The following NUP37 variants were observed in gnomAD, a reference collection of about 807,000 sequenced individuals.
The protein encoded by NUP37 is nucleoporin 37.
Under a neutral mutation model 45.4 loss-of-function variants are expected in NUP37, and 33 were observed. The ratio of observed to expected loss-of-function variants is 0.73; its 90% confidence interval spans 0.55 to 0.97. The LOEUF (loss-of-function observed/expected upper bound fraction) is 0.97, where lower values mean the gene tolerates loss of function less well. Ranked by LOEUF, NUP37 falls within the 50% of genes least tolerant of loss-of-function variation. NUP37 has a pLI of 0.00. For missense variants in NUP37, 365 were observed against 389.7 expected (o/e 0.94, Z 0.53); for synonymous variants, 127 against 130.7 (o/e 0.97, Z 0.19).
At chr12:102,084,470 A>ACT (rs10673692) in intron 6 of NUP37, among the ~76,000 whole-genome samples, 60,834 of 151,612 alleles carry the variant, frequency 0.4, 12,677 homozygotes, top group African/African-American at 0.52. Flanking sequence ...ACATGGTGAA[A>ACT]CTGTTTCTAC....
At chr12:102,112,632 C>G (rs191060222) in intron 2 of NUP37, among the ~76,000 whole-genome samples, 1 of 151,634 alleles carries the variant, frequency 6.6e-6, no homozygotes, top group Non-Finnish European at 1.5e-5. Flanking sequence ...CCTGTGTCTA[C>G]GTTATAAAAA....
chr12:102,087,415 G>C (rs372454647), intron 5 of NUP37, among the ~76,000 whole-genome samples: 27 of 152,260 alleles, frequency 1.8e-4, no homozygotes, highest in African/African-American at 5.3e-4. Context: ...TTTTCAAAAT[G>C]ATTATCTTAA....
intron 3 of NUP37, 43 bp downstream of exon 3, chr12:102,112,065 A>C (rs368013715): frequency 3.2e-4 from 506 of 1,581,302 alleles, no homozygotes; most frequent in Non-Finnish European, 4.2e-4. Context: ...TAACACAATC[A>C]AAGTACATTA....
Position 102,073,235 on chromosome 12 carries a change from T to C in NUP37, c.*1119A>G, listed in dbSNP as rs894597172. The C allele has an allele frequency of 4.6e-5, 7 of 152,164 alleles. No homozygotes were observed. The highest frequency in any genetic ancestry group is 1.2e-4 in the African/African-American group (5 of 41,444). 9.4% of individuals were successfully genotyped at this position (152,164 alleles called of 1,614,324 possible). A position where few individuals can be genotyped will look rare whatever the true frequency, so the allele number is the denominator to read the frequency against. On this transcript the variant is annotated 3_prime_UTR_variant, in exon 10 of 10. Coordinates refer to ENST00000552283, the MANE Select transcript of NUP37 (RefSeq NM_024057.4). ...GGAATGGGCAGTTTGTCAAAATGTA[T>C]TGGATTCTGTATGTGACTGACAAGC...
chr12:102,090,205 G>C (rs1343389636), intron 5 of NUP37, among the ~76,000 whole-genome samples: 1 of 151,364 alleles, frequency 6.6e-6, no homozygotes, highest in Non-Finnish European at 1.5e-5. Context: ...CTTTTCAGGT[G>C]CTCTTATTTT....
rs768017170 is a variant in NUP37 at position 102,073,363 on chromosome 12, A to G, written c.*991T>C. ...GATTTTAATGATCTTTGAGAGGGTG[A>G]ACACAGTTCCATTGCCAACAGGTCC... On this transcript the variant is annotated 3_prime_UTR_variant, in exon 10 of 10. Transcript: ENST00000552283. The G allele has an allele frequency of 7.2e-5, 11 of 152,156 alleles. No homozygotes were observed. The highest frequency in any genetic ancestry group is 1.3e-4 in the Non-Finnish European group (9 of 68,024). The allele number at this position is 152,156 out of a possible 1,614,324, so 9.4% of individuals were successfully genotyped here. A position where few individuals can be genotyped will look rare whatever the true frequency, so the allele number is the denominator to read the frequency against.
chr12:102,075,228 T>C, intron 8 of NUP37, 134 bp from the exon 9 acceptor site: 3 of 509,858 alleles, frequency 5.9e-6, no homozygotes, highest in Admixed American at 3.5e-5. Context: ...CAGGCTGGAG[T>C]GCAGAAGTGC....
At chr12:102,109,186 T>C (rs547598732) in intron 3 of NUP37, among the ~76,000 whole-genome samples, 4 of 152,092 alleles carry the variant, frequency 2.6e-5, no homozygotes, top group East Asian at 1.9e-4. Flanking sequence ...TGAAATAACA[T>C]GAACAATGAA....
At chr12:102,119,308 T>C (rs977403967) in intron 1 of NUP37, 3 of 152,244 alleles carry the variant, frequency 2.0e-5, no homozygotes, top group Admixed American at 6.5e-5. Flanking sequence ...AGCTAATGCA[T>C]GTGGAGCTTA....
At position 102,118,505 on chromosome 12, in the gene NUP37, G is replaced by A. The variant is rs1161798612; in HGVS notation, c.14C>T (p.Ala5Val). 1.2e-6 allele frequency: 2 copies of A among 1,608,896 alleles called. No individual in the cohort carries two copies. Among genetic ancestry groups the A allele is most frequent in the Middle Eastern group, 1.7e-4 (1 of 6,052 alleles). MKQD[A>V]SRNAAYTVDC... Reference sequence around the variant, plus strand: ...CACAGTGTAGGCAGCATTTCTTGAGGCATCTTGCTTCATCTTGTATGTCAA... The same window carrying A: ...CACAGTGTAGGCAGCATTTCTTGAGACATCTTGCTTCATCTTGTATGTCAA... Residue 5 changes from alanine to valine, a missense_variant, in exon 2 of 10, where the codon GCC (alanine) becomes GTC (valine). Coordinates refer to ENST00000552283, the MANE Select transcript of NUP37 (RefSeq NM_024057.4).
chr12:102,090,513 T>C (rs935463595), intron 5 of NUP37, among the ~76,000 whole-genome samples: 3 of 152,130 alleles, frequency 2.0e-5, no homozygotes, highest in African/African-American at 7.2e-5. Flanking sequence ...TGTAATTACA[T>C]AATATTACAT....
intron 5 of NUP37, among the ~76,000 whole-genome samples, chr12:102,091,446 AC>A: frequency 6.6e-6 from 1 of 150,978 alleles, no homozygotes; most frequent in East Asian, 1.9e-4. Flanking sequence ...AACAAAAAAA[AC>A]CCCACAGCCT....
chr12:102,075,418 G>C (rs928771160), intron 8 of NUP37, among the ~76,000 whole-genome samples: 10 of 152,148 alleles, frequency 6.6e-5, no homozygotes, highest in African/African-American at 2.4e-4. Context: ...CTGGCCTCAA[G>C]TGATCCTCCT....
At chr12:102,081,354 TTAAG>T (rs761891905) in intron 6 of NUP37, among the ~76,000 whole-genome samples, 1 of 152,174 alleles carries the variant, frequency 6.6e-6, no homozygotes, top group Non-Finnish European at 1.5e-5. Context: ...GGTAGAAAAG[TTAAG>T]TAAGTTTGGG....
chr12:102,101,135 T>C, intron 3 of NUP37, 31 bp from the exon 4 acceptor site: 1 of 1,393,514 alleles, frequency 7.2e-7, no homozygotes, highest in South Asian at 1.3e-5. Context: ...ATATACCAAT[T>C]TTTAGCCTTT....
intron 4 of NUP37, among the ~76,000 whole-genome samples, chr12:102,100,786 TCCTA>T (rs927955209): frequency 1.8e-4 from 27 of 152,176 alleles, no homozygotes; most frequent in African/African-American, 5.3e-4. Context: ...TATTTGTTGT[TCCTA>T]CCTAATATTT....
At chr12:102,102,412 A>G (rs1286735740) in intron 3 of NUP37, among the ~76,000 whole-genome samples, 1 of 152,222 alleles carries the variant, frequency 6.6e-6, no homozygotes, top group Non-Finnish European at 1.5e-5. Flanking sequence ...TTCTTTCAAG[A>G]AATGTCTGTC....
chr12:102,114,070 G>A (rs1023718672), intron 2 of NUP37, among the ~76,000 whole-genome samples: 4 of 152,130 alleles, frequency 2.6e-5, no homozygotes, highest in African/African-American at 9.7e-5. Context: ...TTACTACTTC[G>A]TAATTTGTGT....
chr12:102,079,410 G>C (rs1477446163), intron 6 of NUP37, among the ~76,000 whole-genome samples: 4 of 152,012 alleles, frequency 2.6e-5, no homozygotes, highest in Admixed American at 2.6e-4. Flanking sequence ...ATTATTCATG[G>C]TAGTTTGTTA....
Sources: gnomAD v4.1 joint callset for allele counts (sites outside exome capture counted in the v4.1 genomes callset) on GRCh38, gnomAD v4.1.1 for gene constraint, MANE v1.5 for transcripts, NCBI Gene and HGNC (gene_info 2026-07-23, HGNC 2026-07-21) for gene names.